EPS15L1: variants seen among roughly 807,000 people sequenced by gnomAD.
The protein encoded by EPS15L1 is epidermal growth factor receptor substrate 15-like 1.
EPS15L1 carries 43 observed loss-of-function variants against 117.1 expected under a neutral mutation model. The ratio of observed to expected loss-of-function variants is 0.37; its 90% CI spans 0.29 to 0.47. The LOEUF is 0.47. Ranked by LOEUF, EPS15L1 falls within the 20% of genes least tolerant of loss-of-function variation. EPS15L1 has a pLI of 0.99. For synonymous variants in EPS15L1, 459 were observed against 470.5 expected (o/e 0.98, Z 0.32); for missense variants, 981 against 1,164.0 (o/e 0.84, Z 2.29).
intron 3 of EPS15L1, 97 bp from the exon 4 acceptor site, chr19:16,441,006 G>T: frequency 8.5e-7 from 1 of 1,178,764 alleles, no homozygotes; most frequent in Non-Finnish European, 1.3e-6. Flanking sequence ...CTGGCCTTGC[G>T]GGGCAGGAGT....
At chr19:16,410,894 T>C (rs2092700173) in intron 13 of EPS15L1, among the ~76,000 whole-genome samples, 1 of 152,132 alleles carries the variant, frequency 6.6e-6, no homozygotes, top group African/African-American at 2.4e-5. Context: ...GCCTGGGCAA[T>C]GGAGTGAGAC....
intron 1 of EPS15L1, among the ~76,000 whole-genome samples, chr19:16,468,603 C>T (rs1206640601): frequency 1.3e-5 from 2 of 152,212 alleles, no homozygotes; most frequent in Non-Finnish European, 1.5e-5. Context: ...ACCTCAGCCT[C>T]CTAAAGTGCT....
chr19:16,408,860 A>G (rs1014015961), intron 13 of EPS15L1, among the ~76,000 whole-genome samples: 8 of 152,182 alleles, frequency 5.3e-5, no homozygotes, highest in Admixed American at 2.6e-4. Context: ...ATAAATGCAC[A>G]GCTATAGTCA....
intron 9 of EPS15L1, 72 bp downstream of exon 9, chr19:16,425,011 G>T: frequency 7.9e-7 from 1 of 1,270,696 alleles, no homozygotes; most frequent in Non-Finnish European, 1.2e-6. Context: ...TTCTGGGGTT[G>T]CATGTTAAGA....
intron 20 of EPS15L1, 40 bp downstream of exon 20, chr19:16,386,131 C>T: frequency 6.6e-7 from 1 of 1,516,268 alleles, no homozygotes; most frequent in South Asian, 1.1e-5. Context: ...TGCTACTGCC[C>T]AAGGAATAGT....
intron 21 of EPS15L1, among the ~76,000 whole-genome samples, chr19:16,377,597 G>A (rs1196678697): frequency 1.3e-5 from 2 of 152,178 alleles, no homozygotes; most frequent in Non-Finnish European, 2.9e-5. Flanking sequence ...GGGTCCCTTG[G>A]GCCTCCTGCT....
intron 1 of EPS15L1, among the ~76,000 whole-genome samples, chr19:16,459,733 A>G (rs1292189421): frequency 6.6e-6 from 1 of 152,152 alleles, no homozygotes. Flanking sequence ...TTACTCTTGT[A>G]TTATTATTCC....
At chr19:16,460,777 A>G (rs186648602) in intron 1 of EPS15L1, among the ~76,000 whole-genome samples, 68 of 152,350 alleles carry the variant, frequency 4.5e-4, no homozygotes, top group African/African-American at 1.6e-3. Context: ...GCCTAGGCCA[A>G]TCGTGTCTGG....
chr19:16,429,557 C>G (rs1405747752), intron 7 of EPS15L1, among the ~76,000 whole-genome samples: 1 of 152,210 alleles, frequency 6.6e-6, no homozygotes, highest in South Asian at 2.1e-4. Context: ...GCGCCCGAGG[C>G]TCAGGCCTCA....
At chr19:16,466,765 T>TG (rs2093308778) in intron 1 of EPS15L1, among the ~76,000 whole-genome samples, 1 of 151,890 alleles carries the variant, frequency 6.6e-6, no homozygotes, top group African/African-American at 2.4e-5. Flanking sequence ...TAGCTGGGTG[T>TG]GGTAGTGGGC....
chr19:16,436,576 A>C (rs1221048013), intron 6 of EPS15L1: 2 of 193,782 alleles, frequency 1.0e-5, no homozygotes, highest in Admixed American at 5.6e-5. Context: ...GCAAGCTCTC[A>C]CCGTTTCCTC....
chr19:16,363,779 C>T (rs1000849517), intron 22 of EPS15L1, among the ~76,000 whole-genome samples: 1 of 152,372 alleles, frequency 6.6e-6, no homozygotes, highest in South Asian at 2.1e-4. Flanking sequence ...CGTAGCCCCC[C>T]CTTGCCTGTA....
At position 16,370,072 on chromosome 19, in the gene EPS15L1, G is replaced by C. The variant is rs2092199542; in HGVS notation, c.2380+7050C>G. On this transcript the variant is annotated intron_variant, in intron 22 of 23. Transcript: ENST00000455140. This position sits in a 1 kb window ranked among gnomAD's most constrained non-coding sequence, Gnocchi z 5.2. ...GATCCCTGAGAACGCCGTGCAGCGA[G>C]TCTGAAAGCTGGTTAGGGGTCGTGC... Among the ~76,000 whole-genome samples the C allele has an allele frequency of 6.6e-6, 1 of 152,210 alleles. No homozygotes were observed. Among genetic ancestry groups the C allele is most frequent in the South Asian group, 2.1e-4 (1 of 4,834 alleles).
chr19:16,425,662 G>C (rs527812582), intron 8 of EPS15L1, among the ~76,000 whole-genome samples: 1 of 152,172 alleles, frequency 6.6e-6, no homozygotes, highest in African/African-American at 2.4e-5. Context: ...AGAGAGACCT[G>C]TACTTCAAGA....
At chr19:16,395,195 C>T (rs1202300792) in intron 17 of EPS15L1, 149 bp downstream of exon 17, 8 of 731,536 alleles carry the variant, frequency 1.1e-5, no homozygotes, top group African/African-American at 3.9e-5. Context: ...AGCGAGAGTT[C>T]GTCTCCAAAA....
chr19:16,426,708 T>C (rs1331069269), intron 8 of EPS15L1, among the ~76,000 whole-genome samples: 3 of 152,122 alleles, frequency 2.0e-5, no homozygotes, highest in South Asian at 2.1e-4. Context: ...ATGGAGGAAC[T>C]GTTCTAGATC....
At chr19:16,463,601 G>A (rs897533341) in intron 1 of EPS15L1, among the ~76,000 whole-genome samples, 8 of 152,120 alleles carry the variant, frequency 5.3e-5, no homozygotes, top group Non-Finnish European at 8.8e-5. Flanking sequence ...TCCCTCAACA[G>A]ATGATTGTTG....
intron 8 of EPS15L1, 149 bp downstream of exon 8, chr19:16,428,552 GA>G (rs2144994426): frequency 2.6e-6 from 1 of 391,254 alleles, no homozygotes; most frequent in African/African-American, 3.3e-5. Context: ...AGACAGAAAA[GA>G]AAGGAAAAGA....
chr19:16,390,112 A>G (rs1043975019), intron 19 of EPS15L1, among the ~76,000 whole-genome samples: 7 of 152,196 alleles, frequency 4.6e-5, no homozygotes, highest in Non-Finnish European at 7.3e-5. Context: ...GCAAGCCCCA[A>G]CACTATGCTA....
Sources: allele counts gnomAD v4.1 joint callset (sites outside exome capture counted in the v4.1 genomes callset), GRCh38; gene constraint gnomAD v4.1.1; non-coding constraint Gnocchi (gnomAD v3.1); transcripts MANE v1.5; gene names NCBI Gene and HGNC (gene_info 2026-07-23, HGNC 2026-07-21).